JPH3: variants seen among roughly 807,000 people sequenced by gnomAD.
JPH3 encodes the protein junctophilin 3, also known as junctophilin-3.
Under a neutral mutation model 59.6 loss-of-function variants are expected in JPH3, and 11 were observed. That is an observed-to-expected ratio of 0.18 (90% CI 0.12 to 0.31). The LOEUF (loss-of-function observed/expected upper bound fraction) is 0.31. Ranked by LOEUF, JPH3 falls within the 10% of genes least tolerant of loss-of-function variation. The pLI is 1.00. For synonymous variants in JPH3, 673 were observed against 483.6 expected, an observed-to-expected ratio of 1.39 and a Z score of -5.14; for missense variants, 1,202 against 1,105.7, an observed-to-expected ratio of 1.09 and a Z score of -1.24.
In JPH3 at chr16:87,684,132, T is replaced by A; in HGVS notation, c.1161-10T>A. On this transcript the variant is annotated splice_polypyrimidine_tract_variant and intron_variant, in intron 2 of 4. Coordinates refer to ENST00000284262, the MANE Select transcript of JPH3 (RefSeq NM_020655.4). ...CTGCCCCCCCTCACGCTCCTCCCTGTCTCCCCCAGGACCTCCCACTCTCGG... is the reference window on the plus strand; with the variant it reads ...CTGCCCCCCCTCACGCTCCTCCCTGACTCCCCCAGGACCTCCCACTCTCGG... 6.2e-7 allele frequency: 1 copy of A among 1,612,334 alleles called. No individual in the cohort carries two copies. Among genetic ancestry groups the A allele is most frequent in the Non-Finnish European group, 8.5e-7 (1 of 1,179,244 alleles).
rs1297038967 is a variant in JPH3, at chr16:87,639,634, G to C, written c.383-4624G>C. Among the ~76,000 whole-genome samples, 8 of 149,610 alleles carry C rather than the reference G, an allele frequency of 5.3e-5. No homozygotes were observed. The East Asian group carries it at 1.6e-3, about 30-fold the overall frequency. On this transcript the variant is annotated intron_variant, in intron 1 of 4. Transcript: ENST00000284262. ...TGTCCTCCCTCCTGGCCTCCCTCCTGGCCTCCCGCCTGTCCTCCCGCCTGT... is the reference window on the plus strand; with the variant it reads ...TGTCCTCCCTCCTGGCCTCCCTCCTCGCCTCCCGCCTGTCCTCCCGCCTGT...
intron 2 of JPH3, among the ~76,000 whole-genome samples, chr16:87,653,129 T>C (rs1077700): frequency 0.48 from 72,577 of 151,982 alleles, 18,085 homozygotes; most frequent in Middle Eastern, 0.61. Context: ...CCTCTCACAT[T>C]CTTCACACCC....
At chr16:87,668,546 C>G (rs2150864717) in intron 2 of JPH3, among the ~76,000 whole-genome samples, 1 of 152,316 alleles carries the variant, frequency 6.6e-6, no homozygotes, top group South Asian at 2.1e-4. Context: ...ATGCAGTTTC[C>G]TCTTCTATAA....
intron 2 of JPH3, chr16:87,653,997 C>T (rs1230345671): frequency 2.6e-5 from 4 of 152,272 alleles, no homozygotes; most frequent in Non-Finnish European, 5.9e-5. Flanking sequence ...AGTCTGATCA[C>T]TCTACTCCAT....
Position 87,690,294 on chromosome 16 carries a change from C to A in JPH3, c.1934C>A (p.Pro645His). The stretch of plus-strand genomic sequence containing the variant: ...CGGGGCTTGGGGGACGACCACCGCC[C>A]CGAGGACCGGGGCTTCGGGGTGCAG... Reference protein sequence around the residue: ...ACRGLGDDHRPEDRGFGVQRL... With the variant: ...ACRGLGDDHRHEDRGFGVQRL... Residue 645 changes from proline (P) to histidine (H), a missense_variant, in exon 4 of 5, where the codon CCC (proline) becomes CAC (histidine). Transcript: ENST00000284262. 1 of 1,598,326 alleles carries A rather than the reference C, an allele frequency of 6.3e-7. No individual in the cohort carries two copies. Among genetic ancestry groups the A allele is most frequent in the East Asian group, 2.3e-5 (1 of 44,074 alleles).
chr16:87,697,023 G>C lies in JPH3; in HGVS notation c.*363G>C, dbSNP rs2033898850. Reference sequence around the variant, plus strand: ...CCGTCTTGGGTGTGGATGGAGGGCAGCCCGGGGCAGAGCCTCAGCCCCGCG... The same window carrying C: ...CCGTCTTGGGTGTGGATGGAGGGCACCCCGGGGCAGAGCCTCAGCCCCGCG... On this transcript the variant is annotated 3_prime_UTR_variant, in exon 5 of 5. Transcript: ENST00000284262. The C allele has an allele frequency of 3.3e-6, 1 of 304,890 alleles. No homozygotes were observed. The highest frequency in any genetic ancestry group is 6.4e-6 in the Non-Finnish European group (1 of 156,972). 18.9% of individuals were successfully genotyped at this position (304,890 alleles called of 1,614,324 possible).
chr16:87,677,430 A>T (rs948920982), intron 2 of JPH3, among the ~76,000 whole-genome samples: 4 of 152,042 alleles, frequency 2.6e-5, no homozygotes, highest in Non-Finnish European at 4.4e-5. Context: ...GCTAAAAAAA[A>T]CTCGCCCACC....
At chr16:87,695,184 G>T (rs934371589) in intron 4 of JPH3, 5 of 377,576 alleles carry the variant, frequency 1.3e-5, no homozygotes, top group Non-Finnish European at 2.1e-5. Context: ...CCCGTTGTTC[G>T]GGCTCCCCTC....
chr16:87,604,813 A>G (rs2030452913), intron 1 of JPH3, among the ~76,000 whole-genome samples: 1 of 152,166 alleles, frequency 6.6e-6, no homozygotes, highest in African/African-American at 2.4e-5. Context: ...GGGGCAGTTA[A>G]TTATATAATG....
chr16:87,628,583 C>T lies in JPH3; in HGVS notation c.383-15675C>T, dbSNP rs190958456. On this transcript the variant is annotated intron_variant, in intron 1 of 4. Transcript: ENST00000284262. ...GGTCCTGGCTCAGACGCTTACCTGACGTTAGCACCTGGGCAAGTGGCTTAA... is the reference window on the plus strand; with the variant it reads ...GGTCCTGGCTCAGACGCTTACCTGATGTTAGCACCTGGGCAAGTGGCTTAA... Among the ~76,000 whole-genome samples, 202 of 152,326 alleles carry T rather than the reference C, an allele frequency of 1.3e-3. 3 individuals carry two copies. The highest frequency in any genetic ancestry group is 4.5e-3 in the African/African-American group (186 of 41,572).
At chr16:87,607,144 T>C (rs910098079) in intron 1 of JPH3, among the ~76,000 whole-genome samples, 3 of 152,200 alleles carry the variant, frequency 2.0e-5, no homozygotes, top group African/African-American at 7.2e-5. Context: ...TGCAGGTGAA[T>C]GCCCATGCAC....
Position 87,678,671 on chromosome 16 carries a change from T to G in JPH3, c.1161-5471T>G, listed in dbSNP as rs111608797. ...GCAACTCACTTCCAACTTCTTGGAA[T>G]AAGGGTCTCTGCAAATGGAATTAGT... On this transcript the variant is annotated intron_variant, in intron 2 of 4. Coordinates refer to ENST00000284262, the MANE Select transcript of JPH3 (RefSeq NM_020655.4). Among the ~76,000 whole-genome samples, 468 of 152,324 alleles carry G rather than the reference T, an allele frequency of 3.1e-3. 1 individual carries two copies. Among genetic ancestry groups the G allele is most frequent in the Non-Finnish European group, 5.3e-3 (361 of 68,036 alleles).
chr16:87,604,620 C>A, intron 1 of JPH3: 1 of 1,202,196 alleles, frequency 8.3e-7, no homozygotes, highest in Non-Finnish European at 1.1e-6. Flanking sequence ...AATAAAAATC[C>A]TGAGCGTACG....
chr16:87,691,458 C>T (rs903850606), intron 4 of JPH3, among the ~76,000 whole-genome samples: 12 of 152,136 alleles, frequency 7.9e-5, no homozygotes, highest in African/African-American at 2.7e-4. Flanking sequence ...GGTGTGAGGA[C>T]GCAGGGGGGT....
intron 2 of JPH3, among the ~76,000 whole-genome samples, chr16:87,665,223 G>C (rs1284216869): frequency 6.6e-6 from 1 of 152,168 alleles, no homozygotes; most frequent in South Asian, 2.1e-4. Flanking sequence ...TTTCCCATCC[G>C]GGACCCCTGA....
chr16:87,664,199 A>T (rs550277316), intron 2 of JPH3, among the ~76,000 whole-genome samples: 19 of 150,922 alleles, frequency 1.3e-4, no homozygotes, highest in African/African-American at 4.4e-4. Context: ...GGCGTGGTGG[A>T]AGGCGCCTGT....
intron 2 of JPH3, among the ~76,000 whole-genome samples, chr16:87,660,462 G>A (rs2032664509): frequency 6.6e-6 from 1 of 152,136 alleles, no homozygotes; most frequent in African/African-American, 2.4e-5. Flanking sequence ...AGCTAATTCG[G>A]TTCCGTGCTC....
At chr16:87,681,286 A>G (rs1287204332) in intron 2 of JPH3, among the ~76,000 whole-genome samples, 1 of 139,458 alleles carries the variant, frequency 7.2e-6, no homozygotes, top group Non-Finnish European at 1.5e-5. Context: ...CAGTTCCAGA[A>G]GGTCAGGTGC....
intron 4 of JPH3, chr16:87,695,260 C>T (rs570086555): frequency 7.6e-4 from 345 of 454,930 alleles, no homozygotes; most frequent in Middle Eastern, 4.3e-3. Flanking sequence ...ACAGACCACC[C>T]CATCATGTCT....
Sources: gnomAD v4.1 joint callset for allele counts (sites outside exome capture counted in the v4.1 genomes callset) on GRCh38, gnomAD v4.1.1 for gene constraint, MANE v1.5 for transcripts, NCBI Gene and HGNC (gene_info 2026-07-23, HGNC 2026-07-21) for gene names.